Variants in C5orf58 observed in about 807,000 individuals in gnomAD.
The protein encoded by C5orf58 is putative uncharacterized protein C5orf58.
In C5orf58, 2 loss-of-function variants were observed where a neutral mutation model predicts 2.9. The observed-to-expected ratio is 0.69, with a 90% CI of 0.28 to 2.18. The LOEUF (loss-of-function observed/expected upper bound fraction) is 2.18, where lower values mean the gene tolerates loss of function less well. Ranked by LOEUF, C5orf58 falls within the 30% of genes most tolerant of loss-of-function variation. The probability of loss-of-function intolerance (pLI) is 0.13; values close to 1 mark genes in which losing one functional copy is unlikely to be tolerated. For missense variants in C5orf58, 96 were observed against 91.7 expected (o/e 1.05, Z -0.19); for synonymous variants, 37 against 33.4 (o/e 1.11, Z -0.37).
At chr5:170,252,219 G>A (rs546372040), downstream of C5orf58, 3 of 380,950 alleles carry the variant, frequency 7.9e-6, no homozygotes, top group East Asian at 1.2e-4. Flanking sequence ...TGACTGCCTT[G>A]AGATTCTTCT....
At chr5:170,246,363 G>C (rs1471245799), downstream of C5orf58, 1 of 281,252 alleles carries the variant, frequency 3.6e-6, no homozygotes, top group Non-Finnish European at 6.6e-6. Flanking sequence ...ATTTGGCTCA[G>C]GTTGAAAGAG....
intron 3 of C5orf58, among the ~76,000 whole-genome samples, chr5:170,240,210 A>G (rs1373374402): frequency 6.6e-6 from 1 of 151,402 alleles, no homozygotes; most frequent in South Asian, 2.1e-4. Flanking sequence ...AGTCTTTGCT[A>G]TTGTGAATAA....
At chr5:170,244,607 C>T (rs914560551) in intron 3 of C5orf58, among the ~76,000 whole-genome samples, 20 of 152,028 alleles carry the variant, frequency 1.3e-4, no homozygotes, top group Admixed American at 7.2e-4. Flanking sequence ...ACGTAGTTCT[C>T]GAGCCTTGGT....
chr5:170,250,653 C>G (rs1264773589), downstream of C5orf58: 1 of 1,174,516 alleles, frequency 8.5e-7, no homozygotes, highest in East Asian at 2.3e-5. Context: ...CACGGACTCT[C>G]AAAGATCGCT....
downstream of C5orf58, chr5:170,252,415 A>G (rs747149050): frequency 1.7e-5 from 25 of 1,443,206 alleles, no homozygotes; most frequent in Non-Finnish European, 2.1e-5. Flanking sequence ...CTATGTTAAA[A>G]TAAACTATAG....
At chr5:170,234,663 T>A (rs527398478) in intron 2 of C5orf58, among the ~76,000 whole-genome samples, 3 of 152,286 alleles carry the variant, frequency 2.0e-5, no homozygotes, top group Non-Finnish European at 2.9e-5. Flanking sequence ...AACGCTAAAT[T>A]GTAAGGTAGT....
Position 170,246,065 on chromosome 5 carries a change from G to A in C5orf58, c.198G>A (p.Glu66=). Residue 66 remains glutamate, a synonymous_variant, in exon 4 of 4, where the codon GAG becomes GAA. Coordinates refer to ENST00000593851, the MANE Select transcript of C5orf58 (RefSeq NM_001102609.3). The stretch of plus-strand genomic sequence containing the variant: ...AAAGAAACAACCCCCTCTTTGAAGA[G>A]TCTAAAATATCAGATGTATCCCTTG... ...EAERNNPLFE[E]SKISDVSLVS... is the part of the protein sequence containing the mutation. The A allele has an allele frequency of 4.3e-6, 7 of 1,613,508 alleles. No individual in the cohort carries two copies. Among genetic ancestry groups the A allele is most frequent in the Non-Finnish European group, 5.9e-6 (7 of 1,179,596 alleles).
chr5:170,248,903 T>A, downstream of C5orf58: 1 of 1,342,184 alleles, frequency 7.5e-7, no homozygotes, highest in Non-Finnish European at 1.0e-6. Context: ...CTGCATAATA[T>A]ATGCTGCCTC....
downstream of C5orf58, chr5:170,246,592 C>G (rs933880186): frequency 1.3e-5 from 2 of 153,192 alleles, no homozygotes; most frequent in African/African-American, 4.8e-5. Flanking sequence ...CTGGTTCTTC[C>G]AGATAATTGG....
At chr5:170,251,668 A>G (rs1351958583) in exon 3 of C5orf58, 5 of 455,980 alleles carry the variant, frequency 1.1e-5, no homozygotes, top group African/African-American at 2.0e-5. Context: ...CTGTCAGAAC[A>G]TCTCTGCTAA....
At chr5:170,238,206 T>C (rs1009969266) in intron 3 of C5orf58, among the ~76,000 whole-genome samples, 22 of 151,630 alleles carry the variant, frequency 1.5e-4, no homozygotes, top group Admixed American at 5.3e-4. Flanking sequence ...AAGAAACAAA[T>C]AATGAGGGGA....
intron 3 of C5orf58, 83 bp downstream of exon 3, chr5:170,235,153 A>C: frequency 1.4e-6 from 1 of 732,922 alleles, no homozygotes; most frequent in Non-Finnish European, 2.2e-6. Context: ...GCTGGGGTAT[A>C]AGTAAATTTT....
intron 3 of C5orf58, among the ~76,000 whole-genome samples, chr5:170,245,568 G>A (rs1005303192): frequency 5.9e-5 from 9 of 152,106 alleles, no homozygotes; most frequent in South Asian, 2.1e-4. Flanking sequence ...TCTTTGACTC[G>A]GAAAGGGAAC....
chr5:170,246,186 T>A lies in C5orf58; in HGVS notation c.*73T>A. 8.6e-7 allele frequency: 1 copy of A among 1,169,490 alleles called. No individual in the cohort carries two copies. Among genetic ancestry groups the A allele is most frequent in the Non-Finnish European group, 1.2e-6 (1 of 838,020 alleles). The allele number at this position is 1,169,490 out of a possible 1,614,324, so 72.4% of individuals were successfully genotyped here. A position where few individuals can be genotyped will look rare whatever the true frequency, so the allele number is the denominator to read the frequency against. On this transcript the variant is annotated 3_prime_UTR_variant, in exon 4 of 4. Coordinates refer to ENST00000593851, the MANE Select transcript of C5orf58 (RefSeq NM_001102609.3). ...TTTGGGAGAGTTGAGTTTACTAATT[T>A]GTATATATATAATTTAAAACAAAAT... is the stretch of plus-strand genomic sequence containing the variant.
intron 3 of C5orf58, among the ~76,000 whole-genome samples, chr5:170,245,278 C>G (rs1022657905): frequency 1.1e-4 from 16 of 152,350 alleles, no homozygotes; most frequent in African/African-American, 3.8e-4. Context: ...AGGCAGGCCT[C>G]TTTGAGCTGT....
intron 3 of C5orf58, among the ~76,000 whole-genome samples, chr5:170,239,283 C>T (rs1250938098): frequency 6.6e-6 from 1 of 151,596 alleles, no homozygotes; most frequent in East Asian, 1.9e-4. Flanking sequence ...AACATTTAAA[C>T]ATTAGATAAT....
intron 3 of C5orf58, among the ~76,000 whole-genome samples, chr5:170,241,836 G>A (rs1380440812): frequency 6.6e-6 from 1 of 151,058 alleles, no homozygotes; most frequent in Non-Finnish European, 1.5e-5. Context: ...TGGTGAGAGA[G>A]GGCATCCCTG....
chr5:170,249,280 GCGC>G (rs1358016380), downstream of C5orf58, among the ~76,000 whole-genome samples: 2 of 151,618 alleles, frequency 1.3e-5, no homozygotes, highest in East Asian at 3.9e-4. Context: ...AGCCGAGATT[GCGC>G]CATTGCCGCA....
At chr5:170,249,255 G>A (rs561912060), downstream of C5orf58, among the ~76,000 whole-genome samples, 283 of 151,860 alleles carry the variant, frequency 1.9e-3, 1 homozygote, top group African/African-American at 6.6e-3. Context: ...AACCTGGGAG[G>A]CAGAGGTTGC....
Sources: gnomAD v4.1 joint callset for allele counts (sites outside exome capture counted in the v4.1 genomes callset) on GRCh38, gnomAD v4.1.1 for gene constraint, MANE v1.5 for transcripts, NCBI Gene and HGNC (gene_info 2026-07-23, HGNC 2026-07-21) for gene names.